Variants in THADA observed in about 807,000 individuals in gnomAD.
THADA encodes tRNA (32-2'-O)-methyltransferase regulator THADA.
A neutral mutation model predicts 219.8 loss-of-function variants in THADA; 213 were observed. The ratio of observed to expected loss-of-function variants is 0.97; its 90% CI spans 0.87 to 1.09. The LOEUF is 1.09. Ranked by LOEUF, THADA falls within the 50% of genes least tolerant of loss-of-function variation. The pLI is 0.00. For missense variants in THADA, 2,956 were observed against 2,311.3 expected, an observed-to-expected ratio of 1.28 and a Z score of -5.72; for synonymous variants, 1,018 against 828.9, an observed-to-expected ratio of 1.23 and a Z score of -3.92.
Position 43,415,767 on chromosome 2 carries a change from G to C in THADA, c.4058+12333C>G, listed in dbSNP as rs141930982. ...CGCTTCACGGTGGGTCAGGCAAGGA[G>C]GAGGACACAAGGAAGCTGCTCTGCT... is the stretch of plus-strand genomic sequence containing the variant. On this transcript the variant is annotated intron_variant, in intron 28 of 37. Transcript: ENST00000405975. Among the ~76,000 whole-genome samples, 439 of 152,198 alleles carry C rather than the reference G, an allele frequency of 2.9e-3. 3 individuals are homozygous for C. The highest frequency in any genetic ancestry group is 9.7e-3 in the African/African-American group (402 of 41,516).
intron 28 of THADA, among the ~76,000 whole-genome samples, chr2:43,423,167 A>T (rs1047477602): frequency 6.6e-6 from 1 of 151,658 alleles, no homozygotes; most frequent in African/African-American, 2.4e-5. Flanking sequence ...TGTGTTTGTC[A>T]GTCCTATGCT....
intron 28 of THADA, among the ~76,000 whole-genome samples, chr2:43,403,822 C>T (rs748987786): frequency 6.6e-6 from 1 of 152,040 alleles, no homozygotes; most frequent in African/African-American, 2.4e-5. Flanking sequence ...CCTGACCCCA[C>T]ACCCCCAACA....
intron 22 of THADA, among the ~76,000 whole-genome samples, chr2:43,519,561 C>T (rs1283445024): frequency 6.6e-6 from 1 of 152,210 alleles, no homozygotes; most frequent in African/African-American, 2.4e-5. Flanking sequence ...TTCAAGTCCT[C>T]ACATCCCTCT....
chr2:43,315,855 A>G (rs1179349827), intron 31 of THADA, among the ~76,000 whole-genome samples: 2 of 152,222 alleles, frequency 1.3e-5, no homozygotes, highest in Non-Finnish European at 2.9e-5. Flanking sequence ...AAGAAATGTC[A>G]CATTGTCTTA....
At chr2:43,357,591 G>C (rs902154460) in intron 29 of THADA, among the ~76,000 whole-genome samples, 1 of 151,378 alleles carries the variant, frequency 6.6e-6, no homozygotes, top group Non-Finnish European at 1.5e-5. Flanking sequence ...CAGCAGCACT[G>C]GTTGTATGGA....
intron 29 of THADA, among the ~76,000 whole-genome samples, chr2:43,394,422 T>C (rs1243631068): frequency 1.3e-5 from 2 of 152,252 alleles, no homozygotes; most frequent in Non-Finnish European, 2.9e-5. Context: ...AAATGTATAA[T>C]TCAAGAAAAT....
At chr2:43,528,774 T>G (rs1417353796) in intron 21 of THADA, among the ~76,000 whole-genome samples, 1 of 152,158 alleles carries the variant, frequency 6.6e-6, no homozygotes, top group Non-Finnish European at 1.5e-5. Context: ...ATAATTACCT[T>G]TTTTCCTTCT....
intron 29 of THADA, among the ~76,000 whole-genome samples, chr2:43,394,692 C>T (rs1255058442): frequency 6.6e-6 from 1 of 152,172 alleles, no homozygotes; most frequent in Non-Finnish European, 1.5e-5. Context: ...CATAAAGAAC[C>T]ACAGGATGGA....
chr2:43,395,821 G>A (rs1337380410), intron 29 of THADA, among the ~76,000 whole-genome samples: 2 of 152,226 alleles, frequency 1.3e-5, no homozygotes, highest in Non-Finnish European at 2.9e-5. Context: ...GCATGATCTT[G>A]GCTCACTGCA....
chr2:43,430,742 A>AG (rs1370191850), intron 26 of THADA: 4 of 444,096 alleles, frequency 9.0e-6, no homozygotes, highest in Non-Finnish European at 1.8e-5. Context: ...TCTTTGTTTC[A>AG]GGGGACTGTC....
At chr2:43,484,372 G>C (rs1049053322) in intron 26 of THADA, 1 of 168,994 alleles carries the variant, frequency 5.9e-6, no homozygotes, top group Non-Finnish European at 1.5e-5. Context: ...GAAGCATAAT[G>C]ACTTTTTTAG....
chr2:43,233,181 T>C (rs898363796), intron 36 of THADA: 10 of 324,874 alleles, frequency 3.1e-5, no homozygotes, highest in Non-Finnish European at 5.3e-5. Context: ...TCCTCCAGTG[T>C]CACCAGAAGG....
chr2:43,241,222 G>GA (rs1668587991), intron 36 of THADA, among the ~76,000 whole-genome samples: 3 of 151,998 alleles, frequency 2.0e-5, no homozygotes, highest in Non-Finnish European at 2.9e-5. Flanking sequence ...CCTGGTGGCT[G>GA]AGACTACAGG....
intron 36 of THADA, among the ~76,000 whole-genome samples, chr2:43,271,303 C>T (rs1672091102): frequency 6.6e-6 from 1 of 151,734 alleles, no homozygotes; most frequent in Admixed American, 6.6e-5. Flanking sequence ...TCATCAGTTC[C>T]TCATCAGCTG....
At chr2:43,294,822 A>ATT (rs1675170415) in intron 31 of THADA, among the ~76,000 whole-genome samples, 1 of 150,478 alleles carries the variant, frequency 6.6e-6, no homozygotes, top group South Asian at 2.1e-4. Flanking sequence ...CAAGGTGATC[A>ATT]TTTAAAAAGG....
intron 28 of THADA, among the ~76,000 whole-genome samples, chr2:43,417,184 A>G (rs1677104182): frequency 6.6e-6 from 1 of 150,698 alleles, no homozygotes; most frequent in Admixed American, 6.6e-5. Context: ...TTTTTTTTCT[A>G]GCAACCCTAA....
intron 31 of THADA, among the ~76,000 whole-genome samples, chr2:43,316,925 GT>G (rs1309737654): frequency 6.6e-6 from 1 of 152,100 alleles, no homozygotes; most frequent in Non-Finnish European, 1.5e-5. Flanking sequence ...GAAACTCCAT[GT>G]CAACAAAAAA....
chr2:43,477,916 G>C (rs1459982897), intron 26 of THADA, among the ~76,000 whole-genome samples: 1 of 152,130 alleles, frequency 6.6e-6, no homozygotes, highest in African/African-American at 2.4e-5. Flanking sequence ...GATCCCATAT[G>C]CAACACCCTC....
intron 31 of THADA, among the ~76,000 whole-genome samples, chr2:43,306,377 T>G (rs948168871): frequency 6.6e-6 from 1 of 152,212 alleles, no homozygotes; most frequent in African/African-American, 2.4e-5. Flanking sequence ...TTGTCCACCA[T>G]GACCCTGTTT....
Sources: allele counts gnomAD v4.1 joint callset (sites outside exome capture counted in the v4.1 genomes callset), GRCh38; gene constraint gnomAD v4.1.1; transcripts MANE v1.5; gene names NCBI Gene and HGNC (gene_info 2026-07-23, HGNC 2026-07-21).